Variants in UBE2E2 observed in about 807,000 individuals in gnomAD.
UBE2E2 encodes the protein ubiquitin conjugating enzyme E2 E2.
UBE2E2 carries 6 observed loss-of-function variants against 24.7 expected under a neutral mutation model. The ratio of observed to expected loss-of-function variants is 0.24; its 90% CI spans 0.13 to 0.48. The LOEUF is 0.48. UBE2E2 is among the 20% of genes least tolerant of loss of function. The pLI is 0.99. For missense variants in UBE2E2, 169 were observed against 245.0 expected (o/e 0.69, Z 2.07); for synonymous variants, 104 against 83.6 (o/e 1.24, Z -1.33).
chr3:23,253,694 T>C (rs1004459861), intron 3 of UBE2E2, among the ~76,000 whole-genome samples: 3 of 152,204 alleles, frequency 2.0e-5, no homozygotes, highest in African/African-American at 2.4e-5. Context: ...AACAATATTA[T>C]GTGAAGAGAA....
intron 3 of UBE2E2, among the ~76,000 whole-genome samples, chr3:23,339,236 A>G (rs1695312530): frequency 6.6e-6 from 1 of 152,190 alleles, no homozygotes; most frequent in African/African-American, 2.4e-5. Flanking sequence ...CTAGATTTTT[A>G]GAAAGTGTCA....
chr3:23,236,324 T>A (rs1697111174), intron 3 of UBE2E2, among the ~76,000 whole-genome samples: 1 of 152,174 alleles, frequency 6.6e-6, no homozygotes, highest in Non-Finnish European at 1.5e-5. Context: ...AGTAATTTCT[T>A]CAGTAATTTT....
At chr3:23,384,810 G>T (rs745622103) in intron 3 of UBE2E2, among the ~76,000 whole-genome samples, 8 of 152,162 alleles carry the variant, frequency 5.3e-5, no homozygotes, top group Non-Finnish European at 7.4e-5. Flanking sequence ...AAAAGTGCTG[G>T]GATTACAGGC....
At chr3:23,519,478 AT>A (rs1451051715) in intron 4 of UBE2E2, among the ~76,000 whole-genome samples, 1 of 152,194 alleles carries the variant, frequency 6.6e-6, no homozygotes, top group East Asian at 1.9e-4. Flanking sequence ...AGTTAACTAC[AT>A]CTATTCTGCA....
At chr3:23,422,900 C>T (rs1279226435) in intron 3 of UBE2E2, among the ~76,000 whole-genome samples, 2 of 151,996 alleles carry the variant, frequency 1.3e-5, no homozygotes, top group Non-Finnish European at 2.9e-5. Context: ...CTTGAATCAC[C>T]AAGATCTAGA....
chr3:23,379,388 T>TC (rs1454051794), intron 3 of UBE2E2, among the ~76,000 whole-genome samples: 1 of 94,094 alleles, frequency 1.1e-5, no homozygotes, highest in Non-Finnish European at 2.1e-5. Context: ...ATGCTATCCC[T>TC]CCCCCCTCCC....
chr3:23,536,418 A>G (rs776930902), intron 5 of UBE2E2, among the ~76,000 whole-genome samples: 40 of 152,170 alleles, frequency 2.6e-4, no homozygotes, highest in Middle Eastern at 3.4e-3. Context: ...ATCTAGCATT[A>G]TTTTATTAAT....
At chr3:23,413,873 G>A (rs971507835) in intron 3 of UBE2E2, among the ~76,000 whole-genome samples, 6 of 152,226 alleles carry the variant, frequency 3.9e-5, no homozygotes, top group South Asian at 2.1e-4. Flanking sequence ...ATTCCACTAC[G>A]TAACTAGCAA....
chr3:23,568,418 CATT>C (rs1414124987), intron 5 of UBE2E2, among the ~76,000 whole-genome samples: 1 of 151,716 alleles, frequency 6.6e-6, no homozygotes, highest in Non-Finnish European at 1.5e-5. Context: ...AAACAAGTCT[CATT>C]ATATTATTAT....
At chr3:23,555,030 C>T (rs1695741516) in intron 5 of UBE2E2, among the ~76,000 whole-genome samples, 1 of 152,000 alleles carries the variant, frequency 6.6e-6, no homozygotes, top group Non-Finnish European at 1.5e-5. Context: ...ATGCTGCTGC[C>T]TCAGCCTCCT....
chr3:23,395,454 A>G (rs1697052209), intron 3 of UBE2E2, among the ~76,000 whole-genome samples: 1 of 152,206 alleles, frequency 6.6e-6, no homozygotes, highest in Admixed American at 6.5e-5. Flanking sequence ...TGGAACATTA[A>G]TATAAGCTGT....
At chr3:23,586,643 T>C (rs1696633708) in intron 5 of UBE2E2, among the ~76,000 whole-genome samples, 1 of 152,192 alleles carries the variant, frequency 6.6e-6, no homozygotes, top group Admixed American at 6.6e-5. Flanking sequence ...TTTTACTTTA[T>C]CCCTTCATTT....
chr3:23,517,117 G>T (rs1384257180), intron 4 of UBE2E2, among the ~76,000 whole-genome samples: 1 of 151,994 alleles, frequency 6.6e-6, no homozygotes, highest in Non-Finnish European at 1.5e-5. Context: ...AAAAAGCATA[G>T]TTAGTCTTTT....
At chr3:23,431,856 A>C (rs1698069124) in intron 3 of UBE2E2, among the ~76,000 whole-genome samples, 1 of 152,170 alleles carries the variant, frequency 6.6e-6, no homozygotes, top group African/African-American at 2.4e-5. Context: ...AATTCAAAAT[A>C]TTTTCAGTAA....
chr3:23,289,614 G>A (rs1055298217), intron 3 of UBE2E2, among the ~76,000 whole-genome samples: 6 of 152,182 alleles, frequency 3.9e-5, no homozygotes, highest in African/African-American at 1.4e-4. Context: ...TAAGTAGAGT[G>A]CATTTCTAGA....
intron 3 of UBE2E2, among the ~76,000 whole-genome samples, chr3:23,296,166 G>T (rs1698902700): frequency 6.6e-6 from 1 of 152,086 alleles, no homozygotes; most frequent in East Asian, 1.9e-4. Flanking sequence ...TCTGTTTCCA[G>T]TTCAGCTCGG....
chr3:23,580,588 C>T (rs1696454178), intron 5 of UBE2E2, among the ~76,000 whole-genome samples: 1 of 152,188 alleles, frequency 6.6e-6, no homozygotes, highest in Admixed American at 6.5e-5. Flanking sequence ...TTTATTGCGG[C>T]AGTCTGTAAT....
intron 3 of UBE2E2, among the ~76,000 whole-genome samples, chr3:23,226,903 A>G (rs1696841448): frequency 6.6e-6 from 1 of 151,820 alleles, no homozygotes; most frequent in Non-Finnish European, 1.5e-5. Flanking sequence ...TTGGGAATCC[A>G]GTAAGAAAAG....
intron 3 of UBE2E2, among the ~76,000 whole-genome samples, chr3:23,292,943 C>G (rs940569378): frequency 3.3e-5 from 5 of 152,144 alleles, no homozygotes; most frequent in African/African-American, 1.2e-4. Context: ...CGTGGTGACA[C>G]ATGCCTGTAA....
Sources: gnomAD v4.1 joint callset for allele counts (sites outside exome capture counted in the v4.1 genomes callset) on GRCh38, gnomAD v4.1.1 for gene constraint, MANE v1.5 for transcripts, NCBI Gene and HGNC (gene_info 2026-07-23, HGNC 2026-07-21) for gene names.